The following CSMD1 variants were observed in gnomAD, a reference collection of about 807,000 sequenced individuals.
The protein encoded by CSMD1 is CUB and Sushi multiple domains 1.
In CSMD1, 213 loss-of-function variants were observed where a neutral mutation model predicts 417.5. The ratio of observed to expected loss-of-function variants is 0.51; its 90% CI spans 0.46 to 0.57. The LOEUF (loss-of-function observed/expected upper bound fraction) is 0.57, where lower values mean the gene tolerates loss of function less well. Among genes scored for constraint, CSMD1 ranks in the 20% least tolerant of loss-of-function variants. The pLI is 0.00. For missense variants in CSMD1, 6,923 were observed against 4,529.7 expected (o/e 1.53, Z -15.17); for synonymous variants, 2,862 against 1,736.8 (o/e 1.65, Z -16.11).
At chr8:4,496,364 G>A (rs1002716621) in intron 2 of CSMD1, among the ~76,000 whole-genome samples, 1 of 152,136 alleles carries the variant, frequency 6.6e-6, no homozygotes, top group African/African-American at 2.4e-5. Flanking sequence ...CAGCAGCGCA[G>A]GAGTCCATCC....
intron 3 of CSMD1, among the ~76,000 whole-genome samples, chr8:4,081,534 G>T (rs552580601): frequency 6.6e-6 from 1 of 152,210 alleles, no homozygotes; most frequent in African/African-American, 2.4e-5. Context: ...ACCAACCACC[G>T]GAAAGGAACC....
At chr8:3,332,119 T>C (rs1025351015) in intron 23 of CSMD1, among the ~76,000 whole-genome samples, 7 of 152,216 alleles carry the variant, frequency 4.6e-5, no homozygotes, top group African/African-American at 1.7e-4. Flanking sequence ...AGATGATAGA[T>C]GATGACAGGT....
chr8:3,357,777 C>T (rs528822416), intron 21 of CSMD1, among the ~76,000 whole-genome samples: 7 of 151,564 alleles, frequency 4.6e-5, no homozygotes, highest in Non-Finnish European at 8.8e-5. Flanking sequence ...TATTTTTTTT[C>T]TTGAGATAAC....
At chr8:4,190,127 C>T (rs1159970680) in intron 3 of CSMD1, among the ~76,000 whole-genome samples, 2 of 151,522 alleles carry the variant, frequency 1.3e-5, no homozygotes, top group Admixed American at 6.6e-5. Context: ...GGCGTGGTGG[C>T]AGGTGCCTGT....
intron 3 of CSMD1, among the ~76,000 whole-genome samples, chr8:4,128,540 A>G (rs1303105383): frequency 3.9e-5 from 6 of 152,136 alleles, no homozygotes; most frequent in East Asian, 1.9e-4. Context: ...CCTATATTCT[A>G]TTTTTACAGA....
intron 23 of CSMD1, among the ~76,000 whole-genome samples, chr8:3,309,601 T>C (rs902791337): frequency 6.9e-6 from 1 of 144,612 alleles, no homozygotes; most frequent in African/African-American, 2.4e-5. Flanking sequence ...ATTCATATCA[T>C]GATGCAAATT....
intron 2 of CSMD1, among the ~76,000 whole-genome samples, chr8:4,490,571 T>C (rs1801649006): frequency 6.6e-6 from 1 of 152,178 alleles, no homozygotes; most frequent in Admixed American, 6.5e-5. Flanking sequence ...GATGCAGAAT[T>C]CTTCTCATCA....
intron 12 of CSMD1, among the ~76,000 whole-genome samples, chr8:3,424,665 T>C (rs1585144849): frequency 6.6e-6 from 1 of 152,242 alleles, no homozygotes; most frequent in Admixed American, 6.5e-5. Context: ...TGTGTTTCTG[T>C]GATTACACAA....
intron 1 of CSMD1, among the ~76,000 whole-genome samples, chr8:4,948,552 GAAA>G (rs748719772): frequency 7.9e-5 from 12 of 151,942 alleles, no homozygotes; most frequent in Non-Finnish European, 1.8e-4. Flanking sequence ...AAATCTGCTA[GAAA>G]ATTTATTCAT....
At chr8:3,650,789 C>A (rs1458824353) in intron 7 of CSMD1, among the ~76,000 whole-genome samples, 1 of 152,132 alleles carries the variant, frequency 6.6e-6, no homozygotes, top group Non-Finnish European at 1.5e-5. Context: ...GAGTTTCCAC[C>A]CCTTTTTTCC....
At chr8:4,670,094 A>G (rs1805201084) in intron 1 of CSMD1, among the ~76,000 whole-genome samples, 2 of 152,192 alleles carry the variant, frequency 1.3e-5, no homozygotes, top group East Asian at 3.9e-4. Flanking sequence ...CACGTCCACA[A>G]GTGTAAGATA....
At chr8:3,693,610 A>G (rs1800374730) in intron 7 of CSMD1, among the ~76,000 whole-genome samples, 1 of 152,206 alleles carries the variant, frequency 6.6e-6, no homozygotes, top group Non-Finnish European at 1.5e-5. Context: ...TTATTCCATG[A>G]GAGAGACAAT....
chr8:3,891,186 C>T (rs1460332446), intron 5 of CSMD1, among the ~76,000 whole-genome samples: 1 of 152,176 alleles, frequency 6.6e-6, no homozygotes, highest in Admixed American at 6.5e-5. Context: ...GCTGGGACCA[C>T]AGGCATGTGC....
chr8:4,206,526 T>C (rs998185372), intron 3 of CSMD1, among the ~76,000 whole-genome samples: 1 of 152,216 alleles, frequency 6.6e-6, no homozygotes, highest in Non-Finnish European at 1.5e-5. Context: ...CATCCTTTTT[T>C]ATGGCTGCCT....
chr8:3,878,070 T>C (rs936310126), intron 5 of CSMD1, among the ~76,000 whole-genome samples: 5 of 152,164 alleles, frequency 3.3e-5, no homozygotes, highest in Admixed American at 2.6e-4. Context: ...TGGGTGGTCA[T>C]GCATTGAACA....
At chr8:4,215,815 T>C (rs1048250074) in intron 3 of CSMD1, among the ~76,000 whole-genome samples, 2 of 152,164 alleles carry the variant, frequency 1.3e-5, no homozygotes, top group Non-Finnish European at 2.9e-5. Context: ...GGCACTAACA[T>C]TTCAAAGAAC....
intron 3 of CSMD1, among the ~76,000 whole-genome samples, chr8:4,323,806 G>T: frequency 6.6e-6 from 1 of 152,258 alleles, no homozygotes; most frequent in Non-Finnish European, 1.5e-5. Context: ...AACCATAAAG[G>T]ATGGGCAGCT....
At chr8:3,517,356 A>T (rs889095968) in intron 10 of CSMD1, among the ~76,000 whole-genome samples, 1 of 152,300 alleles carries the variant, frequency 6.6e-6, no homozygotes, top group East Asian at 1.9e-4. Flanking sequence ...AAGCAAAACT[A>T]TAGTGGTGTT....
At chr8:4,009,128 A>G (rs1047321788) in intron 4 of CSMD1, among the ~76,000 whole-genome samples, 1 of 152,182 alleles carries the variant, frequency 6.6e-6, no homozygotes, top group Non-Finnish European at 1.5e-5. Context: ...CACTGACTTA[A>G]TCCAAGAAGA....
Sources: gnomAD v4.1 joint callset for allele counts (sites outside exome capture counted in the v4.1 genomes callset) on GRCh38, gnomAD v4.1.1 for gene constraint, MANE v1.5 for transcripts, NCBI Gene and HGNC (gene_info 2026-07-23, HGNC 2026-07-21) for gene names.